The following SCAPER variants were observed in gnomAD, a reference collection of about 807,000 sequenced individuals.
SCAPER encodes the protein S phase cyclin A-associated protein in the endoplasmic reticulum.
Under a neutral mutation model 182.2 loss-of-function variants are expected in SCAPER, and 98 were observed. The observed-to-expected ratio is 0.54, with a 90% CI of 0.46 to 0.64. The LOEUF (loss-of-function observed/expected upper bound fraction) is 0.64, where lower values mean the gene tolerates loss of function less well. Among genes scored for constraint, SCAPER ranks in the 30% least tolerant of loss-of-function variants. SCAPER has a pLI of 0.00. For missense variants in SCAPER, 1,432 were observed against 1,690.0 expected, an observed-to-expected ratio of 0.85 and a Z score of 2.68; for synonymous variants, 605 against 564.6, an observed-to-expected ratio of 1.07 and a Z score of -1.01.
chr15:76,610,024 G>A (rs1384345168), intron 22 of SCAPER, among the ~76,000 whole-genome samples: 1 of 152,130 alleles, frequency 6.6e-6, no homozygotes, highest in Non-Finnish European at 1.5e-5. Flanking sequence ...GCAGGGCTTG[G>A]TAAAAACGGA....
Position 76,665,684 on chromosome 15 carries a change from CTTTT to C in SCAPER, c.2610_2613del (p.Lys871ProfsTer4), listed in dbSNP as rs757259031. 3.2e-6 allele frequency: 5 copies of C among 1,583,256 alleles called. No homozygotes were observed. The highest frequency in any genetic ancestry group is 2.3e-5 in the East Asian group (1 of 44,254). ...TTCATCCGGGCTTTTATCTTTTTGG[CTTTT>C]TTTTTATTTTTTTGCCGCTCTTCTC... On this transcript the variant is annotated frameshift_variant, in exon 21 of 32. Transcript: ENST00000563290. LOFTEE classifies it high-confidence loss of function.
intron 5 of SCAPER, among the ~76,000 whole-genome samples, chr15:76,828,026 T>C (rs1308743350): frequency 1.3e-5 from 2 of 152,082 alleles, no homozygotes; most frequent in East Asian, 3.9e-4. Flanking sequence ...AGCATGGGAA[T>C]GAGACTGGTG....
Position 76,743,887 on chromosome 15 carries a change from C to T in SCAPER, c.1866+9921G>A, listed in dbSNP as rs532294744. On this transcript the variant is annotated intron_variant, in intron 15 of 31. Transcript: ENST00000563290. ...AGGCATCACATTACCCGACTTCCAACTATGCCACAAGGCTACAGTAAACAA... is the reference window on the plus strand; with the variant it reads ...AGGCATCACATTACCCGACTTCCAATTATGCCACAAGGCTACAGTAAACAA... Among the ~76,000 whole-genome samples, 11 of 152,288 alleles carry T rather than the reference C, an allele frequency of 7.2e-5. No individual in the cohort carries two copies. In the South Asian group the frequency reaches 8.3e-4, roughly 11 times the overall value.
At chr15:76,687,124 A>C (rs1478092566) in intron 20 of SCAPER, among the ~76,000 whole-genome samples, 1 of 152,196 alleles carries the variant, frequency 6.6e-6, no homozygotes, top group Non-Finnish European at 1.5e-5. Context: ...TGATTTTAAA[A>C]ATACAAGGAG....
chr15:76,534,208 C>T (rs1425353098), intron 23 of SCAPER, among the ~76,000 whole-genome samples: 2 of 152,140 alleles, frequency 1.3e-5, no homozygotes, highest in Non-Finnish European at 2.9e-5. Context: ...TACAGTTCCC[C>T]TGTATTTGAA....
At chr15:76,676,526 T>C (rs891277453) in intron 20 of SCAPER, among the ~76,000 whole-genome samples, 3 of 152,174 alleles carry the variant, frequency 2.0e-5, no homozygotes, top group African/African-American at 7.2e-5. Context: ...ATAATTTTAT[T>C]TCTGAAAAAT....
chr15:76,620,851 C>T (rs917500242), intron 22 of SCAPER, among the ~76,000 whole-genome samples: 9 of 151,690 alleles, frequency 5.9e-5, no homozygotes, highest in African/African-American at 2.2e-4. Context: ...TGGGGCCTGT[C>T]GAGGGGGGAC....
chr15:76,418,132 C>G lies in SCAPER; in HGVS notation c.3312-13453G>C, dbSNP rs117333967. On this transcript the variant is annotated intron_variant, in intron 26 of 31. Transcript: ENST00000563290. ...CCCCAACAGGAAGTGACCAAAACAA[C>G]AAGCAAACAATGATATTTTGACTGT... Among the ~76,000 whole-genome samples the G allele has an allele frequency of 3.9e-4, 59 of 152,246 alleles. 1 individual carries two copies. The East Asian group carries it at 0.011, about 29-fold the overall frequency.
At chr15:76,884,398 A>C (rs538609734) in intron 1 of SCAPER, among the ~76,000 whole-genome samples, 1 of 152,362 alleles carries the variant, frequency 6.6e-6, no homozygotes, top group East Asian at 1.9e-4. Context: ...TAACAATTAC[A>C]TAAGGCTGTA....
chr15:76,438,114 C>T (rs1295393836), intron 25 of SCAPER, among the ~76,000 whole-genome samples: 1 of 151,860 alleles, frequency 6.6e-6, no homozygotes, highest in Non-Finnish European at 1.5e-5. Context: ...AACCCTGTAT[C>T]TACTAAAAAT....
At chr15:76,635,797 T>A (rs1465237975) in intron 21 of SCAPER, among the ~76,000 whole-genome samples, 1 of 152,252 alleles carries the variant, frequency 6.6e-6, no homozygotes, top group Admixed American at 6.5e-5. Flanking sequence ...ATACTTTTTC[T>A]GCATGAACTG....
intron 21 of SCAPER, among the ~76,000 whole-genome samples, chr15:76,630,114 A>G (rs935608712): frequency 6.6e-6 from 1 of 152,078 alleles, no homozygotes. Flanking sequence ...GAAACACAGT[A>G]TTCTCTATTT....
At chr15:76,552,033 G>A (rs904493087) in intron 23 of SCAPER, among the ~76,000 whole-genome samples, 8 of 152,026 alleles carry the variant, frequency 5.3e-5, no homozygotes, top group African/African-American at 7.2e-5. Flanking sequence ...TGCCTGTAAC[G>A]CCAGCAGTTT....
intron 2 of SCAPER, among the ~76,000 whole-genome samples, chr15:76,873,052 C>T (rs1424374662): frequency 1.3e-5 from 2 of 149,360 alleles, no homozygotes; most frequent in Non-Finnish European, 1.5e-5. Flanking sequence ...GAGTTCAAGA[C>T]CAGCCTGGGC....
chr15:76,525,936 A>G (rs1265406816), intron 23 of SCAPER, among the ~76,000 whole-genome samples: 1 of 152,180 alleles, frequency 6.6e-6, no homozygotes, highest in African/African-American at 2.4e-5. Context: ...AAATCTCCAG[A>G]CTGCTTTCCA....
intron 24 of SCAPER, among the ~76,000 whole-genome samples, chr15:76,473,056 G>C (rs2050321397): frequency 6.6e-6 from 1 of 152,152 alleles, no homozygotes; most frequent in African/African-American, 2.4e-5. Flanking sequence ...TCCATTTCTA[G>C]ATTGTGGATT....
chr15:76,506,108 G>C (rs1035714528), intron 23 of SCAPER, among the ~76,000 whole-genome samples: 2 of 151,662 alleles, frequency 1.3e-5, no homozygotes, highest in African/African-American at 4.9e-5. Context: ...GAAGGGTAGT[G>C]GGGGGGACGG....
At chr15:76,685,420 A>G (rs1338876365) in intron 20 of SCAPER, among the ~76,000 whole-genome samples, 1 of 152,138 alleles carries the variant, frequency 6.6e-6, no homozygotes, top group East Asian at 1.9e-4. Flanking sequence ...CTCAATCTAC[A>G]GACAAGTTAC....
At chr15:76,675,438 G>GA (rs1415823714) in intron 20 of SCAPER, among the ~76,000 whole-genome samples, 1 of 152,158 alleles carries the variant, frequency 6.6e-6, no homozygotes, top group African/African-American at 2.4e-5. Flanking sequence ...ATGCTTTACT[G>GA]AAAGAAGAGG....
Sources: allele counts gnomAD v4.1 joint callset (sites outside exome capture counted in the v4.1 genomes callset), GRCh38; gene constraint gnomAD v4.1.1; transcripts MANE v1.5; gene names NCBI Gene and HGNC (gene_info 2026-07-23, HGNC 2026-07-21).